Variants in ESR2 observed in about 807,000 individuals in gnomAD.
ESR2 encodes the protein estrogen receptor 2.
A neutral mutation model predicts 49.6 loss-of-function variants in ESR2; 36 were observed. The ratio of observed to expected loss-of-function variants is 0.73; its 90% CI spans 0.56 to 0.96. The LOEUF (loss-of-function observed/expected upper bound fraction) is 0.96, where lower values mean the gene tolerates loss of function less well. Among genes scored for constraint, ESR2 ranks in the 40% least tolerant of loss-of-function variants. The pLI, the probability that ESR2 is intolerant of heterozygous loss-of-function variation, is 0.00. For missense variants in ESR2, 714 were observed against 693.0 expected (o/e 1.03, Z -0.34); for synonymous variants, 320 against 266.1 (o/e 1.20, Z -1.97).
chr14:64,261,460 C>T (rs553011341), intron 4 of ESR2, among the ~76,000 whole-genome samples: 14 of 152,238 alleles, frequency 9.2e-5, no homozygotes, highest in African/African-American at 3.4e-4. Flanking sequence ...CTCTGTCACC[C>T]AGGCTGCAGT....
chr14:64,302,649 G>T (rs1275122031), intron 1 of ESR2, among the ~76,000 whole-genome samples: 2 of 152,072 alleles, frequency 1.3e-5, no homozygotes, highest in Non-Finnish European at 2.9e-5. Context: ...AGCATTCAAA[G>T]AACTTATGTG....
At chr14:64,246,955 C>T (rs1763843135) in intron 7 of ESR2, among the ~76,000 whole-genome samples, 1 of 152,064 alleles carries the variant, frequency 6.6e-6, no homozygotes, top group South Asian at 2.1e-4. Flanking sequence ...CAAAGGTTGT[C>T]TTCCAGGTCT....
At chr14:64,257,123 T>C in intron 6 of ESR2, 103 bp downstream of exon 6, 1 of 1,072,234 alleles carries the variant, frequency 9.3e-7, no homozygotes. Flanking sequence ...TCCTCTGCCC[T>C]GCAAGTGTGA....
upstream of ESR2, among the ~76,000 whole-genome samples, chr14:64,295,199 A>ACCC (rs3841304): frequency 2.1e-5 from 3 of 146,192 alleles, no homozygotes; most frequent in South Asian, 2.1e-4. Flanking sequence ...CATTGTGAGA[A>ACCC]CCCCCCAGTG....
intron 3 of ESR2, among the ~76,000 whole-genome samples, chr14:64,273,802 C>A (rs12435284): frequency 6.6e-6 from 1 of 152,068 alleles, no homozygotes; most frequent in African/African-American, 2.4e-5. Context: ...ACTGGTCTCA[C>A]GGAATGATTT....
rs114482233 is a variant in ESR2, at chr14:64,250,504, C to T, written c.1092-825G>A. On this transcript the variant is annotated intron_variant, in intron 6 of 8. Coordinates refer to ENST00000341099, the MANE Select transcript of ESR2 (RefSeq NM_001437.3). ...GCCAGACACACATTATTCCACCTCACTGCTCCCCCAAAACACTCTATTATT... is the reference window on the plus strand; with the variant it reads ...GCCAGACACACATTATTCCACCTCATTGCTCCCCCAAAACACTCTATTATT... Among the ~76,000 whole-genome samples the T allele has an allele frequency of 8.7e-3, 1,327 of 152,298 alleles. 21 individuals are homozygous for T. The highest frequency in any genetic ancestry group is 0.03 in the African/African-American group (1,257 of 41,552).
At chr14:64,255,912 A>G (rs763236415) in intron 6 of ESR2, among the ~76,000 whole-genome samples, 1 of 152,214 alleles carries the variant, frequency 6.6e-6, no homozygotes, top group East Asian at 1.9e-4. Context: ...TCAAAACACC[A>G]TTATGCAGAA....
At chr14:64,314,367 G>A (rs1361907956) in intron 1 of ESR2, among the ~76,000 whole-genome samples, 1 of 150,088 alleles carries the variant, frequency 6.7e-6, no homozygotes, top group Admixed American at 6.6e-5. Flanking sequence ...ACCACCAAGA[G>A]GGAAATTTAT....
chr14:64,261,235 T>TC (rs202151765), intron 4 of ESR2, among the ~76,000 whole-genome samples: 6,390 of 83,592 alleles, frequency 0.076, 636 homozygotes, highest in East Asian at 0.42. Context: ...TATTTTTCTT[T>TC]TTTCTTTTTT....
Position 64,304,592 on chromosome 14 carries a change from G to A in ESR2, c.-90-21517C>T, listed in dbSNP as rs114179401. 2.2e-3 allele frequency among the ~76,000 whole-genome samples: 331 copies of A among 152,224 alleles called. 2 individuals carry two copies. The highest frequency in any genetic ancestry group is 7.3e-3 in the African/African-American group (303 of 41,534). On this transcript the variant is annotated intron_variant, in intron 1 of 8. Transcript: ENST00000358599. Reference sequence around the variant, plus strand: ...TATTCAAAAGTAAATTAAAACCTGCGCATAGTAGCTGATGCCTGTAACCTC... The same window carrying A: ...TATTCAAAAGTAAATTAAAACCTGCACATAGTAGCTGATGCCTGTAACCTC...
At chr14:64,291,507 T>C (rs1377681940) in intron 1 of ESR2, among the ~76,000 whole-genome samples, 1 of 151,904 alleles carries the variant, frequency 6.6e-6, no homozygotes, top group Admixed American at 6.6e-5. Flanking sequence ...CTGTTTTTCA[T>C]AGAACAAAGG....
intron 6 of ESR2, among the ~76,000 whole-genome samples, chr14:64,255,180 T>C (rs1024303252): frequency 6.6e-6 from 1 of 152,020 alleles, no homozygotes; most frequent in Non-Finnish European, 1.5e-5. Flanking sequence ...TTGGCATCAA[T>C]TTAGAAATCA....
At chr14:64,290,002 A>G (rs2076845404) in intron 1 of ESR2, among the ~76,000 whole-genome samples, 1 of 152,218 alleles carries the variant, frequency 6.6e-6, no homozygotes, top group Non-Finnish European at 1.5e-5. Flanking sequence ...AATTTCATGG[A>G]AAAGATTTAA....
intron 4 of ESR2, among the ~76,000 whole-genome samples, chr14:64,262,529 A>T (rs1204281626): frequency 6.6e-6 from 1 of 152,212 alleles, no homozygotes; most frequent in Non-Finnish European, 1.5e-5. Context: ...TTTTTTGGGA[A>T]GATAGAAGCT....
chr14:64,298,241 A>T (rs973148492), upstream of ESR2: 5 of 152,192 alleles, frequency 3.3e-5, no homozygotes, highest in African/African-American at 1.2e-4. Flanking sequence ...GCATAGGTTG[A>T]TTCACTTTTA....
At chr14:64,279,830 C>T in intron 3 of ESR2, 151 bp downstream of exon 3, 1 of 698,060 alleles carries the variant, frequency 1.4e-6, no homozygotes. Flanking sequence ...CCACCCAACC[C>T]ACTTCCAAAC....
At chr14:64,260,894 C>T (rs952077135) in intron 4 of ESR2, 146 bp from the exon 5 acceptor site, 1 of 632,070 alleles carries the variant, frequency 1.6e-6, no homozygotes, top group Non-Finnish European at 2.3e-6. Flanking sequence ...AACGACATAA[C>T]TTTTCAGAAA....
chr14:64,239,572 C>T (rs2075677688), intron 7 of ESR2, among the ~76,000 whole-genome samples: 1 of 152,188 alleles, frequency 6.6e-6, no homozygotes, highest in African/African-American at 2.4e-5. Flanking sequence ...TCCATACCCC[C>T]TCTAATTCTA....
At chr14:64,250,775 C>T (rs2075970314) in intron 6 of ESR2, among the ~76,000 whole-genome samples, 1 of 152,202 alleles carries the variant, frequency 6.6e-6, no homozygotes, top group Non-Finnish European at 1.5e-5. Flanking sequence ...GCCTCTGACA[C>T]CACTGGATAC....
Sources: allele counts gnomAD v4.1 joint callset (sites outside exome capture counted in the v4.1 genomes callset), GRCh38; gene constraint gnomAD v4.1.1; transcripts MANE v1.5; gene names NCBI Gene and HGNC (gene_info 2026-07-23, HGNC 2026-07-21).